GPHN: variants seen among roughly 807,000 people sequenced by gnomAD.
GPHN encodes gephyrin.
Under a neutral mutation model 95.5 loss-of-function variants are expected in GPHN, and 17 were observed. The observed-to-expected ratio is 0.18, with a 90% confidence interval of 0.12 to 0.27. The LOEUF (loss-of-function observed/expected upper bound fraction) is 0.27. Ranked by LOEUF, GPHN falls within the 10% of genes least tolerant of loss-of-function variation. The pLI, the probability that GPHN is intolerant of heterozygous loss-of-function variation, is 1.00. For synonymous variants in GPHN, 320 were observed against 322.5 expected (o/e 0.99, Z 0.08); for missense variants, 660 against 978.1 (o/e 0.67, Z 4.34).
At chr14:66,959,031 A>G (rs2068722293) in intron 8 of GPHN, among the ~76,000 whole-genome samples, 1 of 152,130 alleles carries the variant, frequency 6.6e-6, no homozygotes, top group Non-Finnish European at 1.5e-5. Context: ...TACAATTAAC[A>G]TCTTAGCTCA....
chr14:67,256,797 GACAC>G, the GPHN span, among the ~76,000 whole-genome samples: 18 of 147,776 alleles, frequency 1.2e-4, no homozygotes, highest in South Asian at 6.5e-4. Flanking sequence ...AGAAACTATT[GACAC>G]ACACACACAC....
At chr14:66,770,407 T>C (rs1173592206) in intron 2 of GPHN, among the ~76,000 whole-genome samples, 3 of 152,184 alleles carry the variant, frequency 2.0e-5, no homozygotes, top group African/African-American at 7.2e-5. Flanking sequence ...TGCTCATTCC[T>C]GCATCCAGAA....
chr14:66,928,340 G>C (rs969892736), intron 8 of GPHN, among the ~76,000 whole-genome samples: 4 of 152,114 alleles, frequency 2.6e-5, no homozygotes, highest in Admixed American at 6.5e-5. Flanking sequence ...AGTCTGTAAT[G>C]ATACTTTGAA....
Position 67,159,404 on chromosome 14 carries a change from A to G in GPHN, c.1837-11A>G. 6.6e-7 allele frequency: 1 copy of G among 1,513,932 alleles called. No homozygotes were observed. The highest frequency in any genetic ancestry group is 9.2e-7 in the Non-Finnish European group (1 of 1,088,758). 93.8% of individuals were successfully genotyped at this position (1,513,932 alleles called of 1,614,324 possible). A position where few individuals can be genotyped will look rare whatever the true frequency, so the allele number is the denominator to read the frequency against. ...GTTTGAAAGTAAAGTGATTATTTTT[A>G]ATGTTTGCAGGACTATCTCAAGCAG... On this transcript the variant is annotated splice_polypyrimidine_tract_variant and intron_variant, in intron 18 of 22. Coordinates refer to ENST00000478722, the MANE Select transcript of GPHN (RefSeq NM_020806.5).
chr14:67,324,245 A>C, the GPHN span, among the ~76,000 whole-genome samples: 1 of 152,116 alleles, frequency 6.6e-6, no homozygotes, highest in Non-Finnish European at 1.5e-5. Flanking sequence ...GGAACAGAAA[A>C]ATTTTTTTAA....
At chr14:67,506,650 T>C in the GPHN span, among the ~76,000 whole-genome samples, 802 of 152,128 alleles carry the variant, frequency 5.3e-3, 13 homozygotes, top group Non-Finnish European at 4.0e-3. Context: ...TATGATGAAA[T>C]GAAAATAGAA....
At chr14:67,438,860 C>CAAAAAA in the GPHN span, among the ~76,000 whole-genome samples, 1 of 56,036 alleles carries the variant, frequency 1.8e-5, no homozygotes, top group African/African-American at 4.9e-5. Context: ...GACTCCGTCT[C>CAAAAAA]AAAAAAAAAA....
At chr14:67,277,394 G>A in the GPHN span, among the ~76,000 whole-genome samples, 2 of 152,084 alleles carry the variant, frequency 1.3e-5, no homozygotes, top group African/African-American at 4.8e-5. Context: ...TAGCCTAGTT[G>A]GGTTTGTATT....
At chr14:67,598,573 C>T in the GPHN span, among the ~76,000 whole-genome samples, 1 of 152,138 alleles carries the variant, frequency 6.6e-6, no homozygotes, top group Non-Finnish European at 1.5e-5. Flanking sequence ...TAATAAATAT[C>T]TATTTCCTCC....
intron 2 of GPHN, chr14:66,760,873 AAG>A: frequency 2.4e-6 from 2 of 825,584 alleles, no homozygotes; most frequent in South Asian, 1.3e-5. Flanking sequence ...ATTGAAGAAA[AAG>A]AGCGACAGAA....
At chr14:67,727,570 C>T in the GPHN span, 1 of 283,900 alleles carries the variant, frequency 3.5e-6, no homozygotes, top group Non-Finnish European at 6.8e-6. Flanking sequence ...GCGACCTCTG[C>T]CTCCTGGGTT....
At chr14:67,321,990 ATGCT>A in the GPHN span, among the ~76,000 whole-genome samples, 187 of 152,326 alleles carry the variant, frequency 1.2e-3, no homozygotes, top group Non-Finnish European at 2.2e-3. Context: ...ATCACAGTGA[ATGCT>A]TGGTTGTATG....
the GPHN span, among the ~76,000 whole-genome samples, chr14:67,263,192 C>G: frequency 6.6e-6 from 1 of 151,492 alleles, no homozygotes; most frequent in Non-Finnish European, 1.5e-5. Flanking sequence ...ACACTTTTTA[C>G]TTCAGGAAAT....
At chr14:67,224,054 G>C in the GPHN span, 1 of 914,474 alleles carries the variant, frequency 1.1e-6, no homozygotes, top group Non-Finnish European at 1.3e-6. Flanking sequence ...CATTCACCCA[G>C]CAATGCTAGT....
chr14:67,338,714 C>T, the GPHN span: 3 of 1,613,754 alleles, frequency 1.9e-6, no homozygotes, highest in East Asian at 6.7e-5. Flanking sequence ...CCAAGTCCTT[C>T]TCAGATTTTT....
chr14:67,412,560 A>C, the GPHN span, among the ~76,000 whole-genome samples: 1 of 152,148 alleles, frequency 6.6e-6, no homozygotes, highest in Non-Finnish European at 1.5e-5. Flanking sequence ...TGATGGGGGC[A>C]GAGAAGACCT....
At chr14:66,733,642 A>G (rs1236271372) in intron 2 of GPHN, among the ~76,000 whole-genome samples, 1 of 152,174 alleles carries the variant, frequency 6.6e-6, no homozygotes, top group African/African-American at 2.4e-5. Flanking sequence ...AAATTTTTGA[A>G]CAATTAACTT....
chr14:67,352,864 C>A, the GPHN span: 6 of 1,142,526 alleles, frequency 5.3e-6, no homozygotes, highest in East Asian at 2.5e-5. Context: ...AAAAAAAATG[C>A]CAAGGGCCAT....
At chr14:66,719,672 A>G (rs1367493012) in intron 2 of GPHN, among the ~76,000 whole-genome samples, 1 of 152,132 alleles carries the variant, frequency 6.6e-6, no homozygotes, top group Non-Finnish European at 1.5e-5. Flanking sequence ...CATGACAGCC[A>G]ATCTCCCTGC....
Sources: allele counts gnomAD v4.1 joint callset (sites outside exome capture counted in the v4.1 genomes callset), GRCh38; gene constraint gnomAD v4.1.1; transcripts MANE v1.5; gene names NCBI Gene and HGNC (gene_info 2026-07-23, HGNC 2026-07-21).